CYFIP2: variants seen among roughly 807,000 people sequenced by gnomAD.
CYFIP2 encodes the protein cytoplasmic FMR1-interacting protein 2.
In CYFIP2, 29 loss-of-function variants were observed where a neutral mutation model predicts 158.7. That is an observed-to-expected ratio of 0.18 (90% CI 0.14 to 0.25). The LOEUF (loss-of-function observed/expected upper bound fraction) is 0.25, where lower values mean the gene tolerates loss of function less well. Ranked by LOEUF, CYFIP2 falls within the 10% of genes least tolerant of loss-of-function variation. CYFIP2 has a pLI of 1.00. For synonymous variants in CYFIP2, 585 were observed against 617.6 expected (o/e 0.95, Z 0.78); for missense variants, 852 against 1,639.5 (o/e 0.52, Z 8.29).
In CYFIP2 at chr5:157,292,380, C is replaced by T. The variant is rs1757894482; in HGVS notation, c.208-2403C>T. Among the ~76,000 whole-genome samples, 6 of 152,030 alleles carry T rather than the reference C, an allele frequency of 3.9e-5. No individual in the cohort carries two copies. The South Asian group carries it at 1.2e-3, about 32-fold the overall frequency. ...GATTATAGGCATGCACCACCATGCCCGGCTAACTTTGTATTTTTAGTAGAA... is the reference window on the plus strand; with the variant it reads ...GATTATAGGCATGCACCACCATGCCTGGCTAACTTTGTATTTTTAGTAGAA... On this transcript the variant is annotated intron_variant, in intron 3 of 30. Transcript: ENST00000620254.
chr5:157,355,201 C>T (rs1019599362), intron 23 of CYFIP2, among the ~76,000 whole-genome samples: 1 of 152,184 alleles, frequency 6.6e-6, no homozygotes, highest in African/African-American at 2.4e-5. Context: ...GCTCTCACCT[C>T]TGTCCTATCA....
intron 4 of CYFIP2, 96 bp downstream of exon 4, chr5:157,294,956 C>A: frequency 2.0e-6 from 2 of 981,088 alleles, no homozygotes; most frequent in Non-Finnish European, 3.0e-6. Flanking sequence ...TTTCTTTCCA[C>A]GTGGTAGGGA....
chr5:157,335,986 C>T (rs1761825880), intron 21 of CYFIP2, among the ~76,000 whole-genome samples: 1 of 152,168 alleles, frequency 6.6e-6, no homozygotes, highest in African/African-American at 2.4e-5. Context: ...CCTTGCTTAT[C>T]AGGCGAGGGC....
chr5:157,367,751 C>CTTTT (rs373446663), intron 26 of CYFIP2, among the ~76,000 whole-genome samples: 71 of 123,564 alleles, frequency 5.7e-4, no homozygotes, highest in African/African-American at 1.9e-3. Flanking sequence ...CCTCTGTTCA[C>CTTTT]TTTTTTTTTT....
chr5:157,307,082 C>T (rs1163732911), intron 8 of CYFIP2, among the ~76,000 whole-genome samples: 3 of 152,052 alleles, frequency 2.0e-5, no homozygotes, highest in African/African-American at 7.2e-5. Context: ...ATTCAGGAGA[C>T]TATTAGAAGG....
At position 157,343,511 on chromosome 5, in the gene CYFIP2, G is replaced by C. The variant is rs367831706; in HGVS notation, c.2673+2354G>C. ...CCAGGAGATGATGGCTCCTGTATAA[G>C]AAATGTTCCCCACCTCGATGTTCAT... On this transcript the variant is annotated intron_variant, in intron 23 of 30. Coordinates refer to ENST00000620254, the MANE Select transcript of CYFIP2 (RefSeq NM_001037333.3). 6.3e-7 allele frequency: 1 copy of C among 1,579,550 alleles called. No individual in the cohort carries two copies. Among genetic ancestry groups the C allele is most frequent in the Non-Finnish European group, 8.6e-7 (1 of 1,158,222 alleles).
At position 157,311,664 on chromosome 5, in the gene CYFIP2, G is replaced by C; in HGVS notation, c.993G>C (p.Lys331Asn). The change falls in exon 11 of 31, where the codon AAG becomes AAC. Residue 331 changes from lysine to asparagine, a missense_variant and splice_region_variant. This residue lies in a region of CYFIP2 where 133 missense variants were observed against 197.1 expected (regional missense o/e 0.67). Transcript: ENST00000620254. This position sits in a 1 kb window ranked among gnomAD's most constrained non-coding sequence, Gnocchi z 4.7. Reference protein sequence around the residue: ...TSAHYEENKSKWTCTQSSISP... With the variant: ...TSAHYEENKSNWTCTQSSISP... ...TCCGACCCCATAATTTTCTACCCAG[G>C]TGGACGTGCACCCAGAGCAGCATCA... is the stretch of plus-strand genomic sequence containing the variant. The C allele has an allele frequency of 6.2e-7, 1 of 1,603,770 alleles. No individual in the cohort carries two copies. The highest frequency in any genetic ancestry group is 8.5e-7 in the Non-Finnish European group (1 of 1,175,406).
intron 23 of CYFIP2, among the ~76,000 whole-genome samples, chr5:157,346,473 G>C (rs1381961500): frequency 6.6e-6 from 1 of 152,174 alleles, no homozygotes; most frequent in African/African-American, 2.4e-5. Flanking sequence ...AGAGACTCAA[G>C]GGGAAGAAGC....
chr5:157,386,903 G>A (rs1426239870), intron 28 of CYFIP2, among the ~76,000 whole-genome samples: 1 of 143,614 alleles, frequency 7.0e-6, no homozygotes, highest in Middle Eastern at 3.6e-3. Context: ...CTGGACAGCA[G>A]AGTGAGACTC....
chr5:157,323,567 C>T (rs954684458), intron 15 of CYFIP2, among the ~76,000 whole-genome samples: 22 of 152,176 alleles, frequency 1.4e-4, no homozygotes, highest in Non-Finnish European at 2.8e-4. Flanking sequence ...ACTCCCAGTC[C>T]AGTGCTCCAC....
intron 26 of CYFIP2, among the ~76,000 whole-genome samples, chr5:157,373,120 A>G (rs754538169): frequency 6.6e-6 from 1 of 152,178 alleles, no homozygotes; most frequent in African/African-American, 2.4e-5. Context: ...TTAAAATTCA[A>G]ACTCCCAACT....
In CYFIP2 at chr5:157,295,760, T is replaced by C. The variant is rs369973646; in HGVS notation, c.285+900T>C. Reference sequence around the variant, plus strand: ...GTTGACTGGTGGATATTTAGCATGATGCTGCCACTTTAAGACTTTCTAAGC... The same window carrying C: ...GTTGACTGGTGGATATTTAGCATGACGCTGCCACTTTAAGACTTTCTAAGC... On this transcript the variant is annotated intron_variant, in intron 4 of 30. Transcript: ENST00000620254. 3.9e-5 allele frequency among the ~76,000 whole-genome samples: 6 copies of C among 152,244 alleles called. No individual in the cohort carries two copies. In the East Asian group the frequency reaches 9.6e-4, roughly 24 times the overall value.
intron 8 of CYFIP2, 167 bp downstream of exon 8, chr5:157,304,533 C>A: frequency 2.9e-6 from 2 of 686,562 alleles, no homozygotes; most frequent in South Asian, 2.3e-5. Flanking sequence ...ATATAATATA[C>A]CGTAGTCACC....
In CYFIP2 at chr5:157,287,114, T is replaced by A; in HGVS notation, c.207+6T>A. 1.9e-6 allele frequency: 3 copies of A among 1,612,472 alleles called. No homozygotes were observed. The highest frequency in any genetic ancestry group is 2.7e-5 in the African/African-American group (2 of 74,996). ...CTACAGTCCACTCCAGCATGGTAAGTCTCTGTGACCCACGTGTGCAGACAT... is the reference window on the plus strand; with the variant it reads ...CTACAGTCCACTCCAGCATGGTAAGACTCTGTGACCCACGTGTGCAGACAT... On this transcript the variant is annotated splice_donor_region_variant and intron_variant, in intron 3 of 30. Coordinates refer to ENST00000620254, the MANE Select transcript of CYFIP2 (RefSeq NM_001037333.3).
intron 20 of CYFIP2, among the ~76,000 whole-genome samples, chr5:157,331,255 C>T (rs943265887): frequency 5.9e-5 from 9 of 151,692 alleles, no homozygotes; most frequent in South Asian, 2.1e-4. Flanking sequence ...GGCAAATCCA[C>T]GGTAGAAATT....
Position 157,330,868 on chromosome 5 carries a change from C to T in CYFIP2, c.2265+18C>T, listed in dbSNP as rs761853284. ...ACGTCCAGGTATGGGGAGCAGAAGCCACCTTGGAGATGGAAGGGGCAGGAG... is the reference window on the plus strand; with the variant it reads ...ACGTCCAGGTATGGGGAGCAGAAGCTACCTTGGAGATGGAAGGGGCAGGAG... On this transcript the variant is annotated intron_variant, in intron 20 of 30. Coordinates refer to ENST00000620254, the MANE Select transcript of CYFIP2 (RefSeq NM_001037333.3). 112 of 1,594,124 alleles carry T rather than the reference C, an allele frequency of 7.0e-5. No individual in the cohort carries two copies. The highest frequency in any genetic ancestry group is 8.4e-5 in the Non-Finnish European group (98 of 1,162,002).
At chr5:157,344,233 TC>T (rs2113268120) in intron 23 of CYFIP2, among the ~76,000 whole-genome samples, 1 of 152,292 alleles carries the variant, frequency 6.6e-6, no homozygotes, top group South Asian at 2.1e-4. Flanking sequence ...ACTATTTAAT[TC>T]TGCTGTTATT....
chr5:157,364,216 G>C (rs1447242308), intron 26 of CYFIP2: 1 of 145,654 alleles, frequency 6.9e-6, no homozygotes, highest in Non-Finnish European at 1.5e-5. Flanking sequence ...GGGGGGGGTG[G>C]GTCCCTGAAG....
Position 157,320,725 on chromosome 5 carries a change from T to G in CYFIP2, c.1594T>G (p.Leu532Val). Residue 532 changes from leucine (L) to valine (V), a missense_variant, in exon 15 of 31, where the codon TTG (leucine) becomes GTG (valine). Physicochemically the swap from Leu to Val is conservative, Grantham distance 32. This residue lies in a region of CYFIP2 where 167 missense variants were observed against 343.3 expected (regional missense o/e 0.49). Transcript: ENST00000620254. ...GGREPPNDPC[L>V]RGEKDPKGGF... is the part of the protein sequence containing the mutation. ...GCGAGAGCCCCCTAATGACCCATGC[T>G]TGAGAGGGGAGAAGGACCCCAAAGG... 6.2e-7 allele frequency: 1 copy of G among 1,613,472 alleles called. No homozygotes were observed. The highest frequency in any genetic ancestry group is 8.5e-7 in the Non-Finnish European group (1 of 1,179,680).
Sources: gnomAD v4.1 joint callset for allele counts (sites outside exome capture counted in the v4.1 genomes callset) on GRCh38, gnomAD v4.1.1 for gene constraint, gnomAD v4.1.1 regional missense constraint, Gnocchi (gnomAD v3.1) non-coding constraint, MANE v1.5 for transcripts, NCBI Gene and HGNC (gene_info 2026-07-23, HGNC 2026-07-21) for gene names.